The following DGAT1 variants were observed in gnomAD, a reference collection of about 807,000 sequenced individuals.
The protein encoded by DGAT1 is ACAT related gene product 1.
DGAT1 carries 60 observed loss-of-function variants against 72.6 expected under a neutral mutation model. The observed-to-expected ratio is 0.83, with a 90% CI of 0.67 to 1.02. The LOEUF is 1.02. Among genes scored for constraint, DGAT1 ranks in the 50% least tolerant of loss-of-function variants. The pLI is 0.00. For missense variants in DGAT1, 592 were observed against 670.0 expected (o/e 0.88, Z 1.29); for synonymous variants, 290 against 267.5 (o/e 1.08, Z -0.82).
At chr8:144,322,290 C>T (rs1265257278) in intron 1 of DGAT1, among the ~76,000 whole-genome samples, 6 of 152,232 alleles carry the variant, frequency 3.9e-5, no homozygotes, top group Non-Finnish European at 8.8e-5. Flanking sequence ...GGCTCATATA[C>T]ACTAGCTGCA....
At chr8:144,319,635 T>G (rs1327105811) in intron 2 of DGAT1, among the ~76,000 whole-genome samples, 1 of 152,190 alleles carries the variant, frequency 6.6e-6, no homozygotes, top group Non-Finnish European at 1.5e-5. Context: ...CCAGGGCTTG[T>G]GCCCCGCCTG....
In DGAT1 at chr8:144,315,262, CAGG is replaced by C. The variant is rs1817161474; in HGVS notation, c.*1289_*1291del. 1 of 985,476 alleles carries C rather than the reference CAGG, an allele frequency of 1.0e-6. No individual in the cohort carries two copies. Among genetic ancestry groups the C allele is most frequent in the African/African-American group, 1.7e-5 (1 of 57,356 alleles). The allele number at this position is 985,476 out of a possible 1,614,324, so 61.0% of individuals were successfully genotyped here. On this transcript the variant is annotated 3_prime_UTR_variant, in exon 17 of 17. Coordinates refer to ENST00000528718, the MANE Select transcript of DGAT1 (RefSeq NM_012079.6). ...GTCGGCCCCACACCCATCCCCCCAC[CAGG>C]AGCTCACCCACTACTGCCATCCTCA...
At chr8:144,318,225 C>T (rs781956660) in intron 7 of DGAT1, 36 bp downstream of exon 7, 1 of 1,610,054 alleles carries the variant, frequency 6.2e-7, no homozygotes, top group African/African-American at 1.3e-5. Flanking sequence ...TGCCCAGCCC[C>T]CCAGCAGGCA....
rs1817154373 is a variant in DGAT1 at position 144,315,131 on chromosome 8, G to A, written c.*1423C>T. The A allele has an allele frequency of 2.0e-6, 2 of 985,498 alleles. No homozygotes were observed. The highest frequency in any genetic ancestry group is 2.4e-6 in the Non-Finnish European group (2 of 829,960). 61.0% of individuals were successfully genotyped at this position (985,498 alleles called of 1,614,324 possible). A position where few individuals can be genotyped will look rare whatever the true frequency, so the allele number is the denominator to read the frequency against. Reference sequence around the variant, plus strand: ...GAGGAAGGGAAGGGGGCCTGCGCTGGGCAGTGGAGCAGGCTTTGCTGCTTT... The same window carrying A: ...GAGGAAGGGAAGGGGGCCTGCGCTGAGCAGTGGAGCAGGCTTTGCTGCTTT... On this transcript the variant is annotated 3_prime_UTR_variant, in exon 17 of 17. Transcript: ENST00000528718.
In DGAT1 at chr8:144,316,928, GGA is replaced by G; in HGVS notation, c.1249-15_1249-14del. 1.2e-6 allele frequency: 2 copies of G among 1,612,648 alleles called. No individual in the cohort carries two copies. Among genetic ancestry groups the G allele is most frequent in the Admixed American group, 1.7e-5 (1 of 59,938 alleles). ...CGCTCACCAGGTACTGAGATGGGAGGGAGAGAGGATGCCAGGGAGTGGGGTGT... is the reference window on the plus strand; with the variant it reads ...CGCTCACCAGGTACTGAGATGGGAGGGAGAGGATGCCAGGGAGTGGGGTGT... On this transcript the variant is annotated splice_polypyrimidine_tract_variant and intron_variant, in intron 15 of 16. Coordinates refer to ENST00000528718, the MANE Select transcript of DGAT1 (RefSeq NM_012079.6).
chr8:144,317,651 A>G lies in DGAT1; in HGVS notation c.936+20T>C, dbSNP rs782008207. ...TCACTCCCCAGCCACCCCAGCTGCA[A>G]GAGCACCTGAGCCACTCACCTTGAA... On this transcript the variant is annotated intron_variant, in intron 11 of 16. Transcript: ENST00000528718. 5.9e-5 allele frequency: 96 copies of G among 1,613,750 alleles called. No individual in the cohort carries two copies. The highest frequency in any genetic ancestry group is 7.1e-5 in the Non-Finnish European group (84 of 1,180,008).
rs565169884 is a variant in DGAT1 at position 144,321,671 on chromosome 8, G to A, written c.201-263C>T. On this transcript the variant is annotated intron_variant, in intron 1 of 16. Coordinates refer to ENST00000528718, the MANE Select transcript of DGAT1 (RefSeq NM_012079.6). ...GAAGCAAGCCCAGCTGGCCCTGCCC[G>A]GACTGGACCTACATGGAGCTTGGAC... 2.5e-4 allele frequency among the ~76,000 whole-genome samples: 38 copies of A among 152,320 alleles called. 1 individual carries two copies. Among genetic ancestry groups the A allele is most frequent in the African/African-American group, 6.5e-4 (27 of 41,586 alleles).
chr8:144,324,841 G>A (rs977347649), intron 1 of DGAT1, among the ~76,000 whole-genome samples: 2 of 152,272 alleles, frequency 1.3e-5, no homozygotes, highest in South Asian at 4.1e-4. Context: ...GCCAAGGCAG[G>A]TGGATCACCT....
chr8:144,314,999 G>T lies in DGAT1; in HGVS notation c.*1555C>A, dbSNP rs564585153. The stretch of plus-strand genomic sequence containing the variant: ...TCCCAAGGTGTTCGCACTCGGACAG[G>T]TGATGCGGGGCGGGCACACTGTCTT... On this transcript the variant is annotated 3_prime_UTR_variant, in exon 17 of 17. Transcript: ENST00000528718. 4 of 985,822 alleles carry T rather than the reference G, an allele frequency of 4.1e-6. No individual in the cohort carries two copies. The highest frequency in any genetic ancestry group is 6.1e-5 in the Admixed American group (1 of 16,326). The allele number at this position is 985,822 out of a possible 1,614,324, so 61.1% of individuals were successfully genotyped here. A position where few individuals can be genotyped will look rare whatever the true frequency, so the allele number is the denominator to read the frequency against.
intron 1 of DGAT1, among the ~76,000 whole-genome samples, chr8:144,323,633 C>CACA (rs1318091208): frequency 6.6e-6 from 1 of 152,212 alleles, no homozygotes; most frequent in Non-Finnish European, 1.5e-5. Context: ...TCCAGCTGTC[C>CACA]CTACACCCAC....
In DGAT1 at chr8:144,321,374, C is replaced by A. The variant is rs1817451946; in HGVS notation, c.235G>T (p.Asp79Tyr). Reference sequence around the variant, plus strand: ...CCACGGTAGTTGCTGAAGCCACTGTCAGAGCTGAATAAAGAATCCTGCAGG... The same window carrying A: ...CCACGGTAGTTGCTGAAGCCACTGTAAGAGCTGAATAAAGAATCCTGCAGG... The part of the protein sequence containing the change: ...HRLQDSLFSS[D>Y]SGFSNYRGIL... Residue 79 changes from aspartate (D) to tyrosine (Y), a missense_variant, in exon 2 of 17, where the codon GAC (aspartate) becomes TAC (tyrosine). Asp to Tyr is a radical substitution (Grantham distance 160, BLOSUM62 -3). Transcript: ENST00000528718. 1 of 1,613,884 alleles carries A rather than the reference C, an allele frequency of 6.2e-7. No homozygotes were observed. The highest frequency in any genetic ancestry group is 1.7e-5 in the Admixed American group (1 of 60,002).
chr8:144,323,629 T>G (rs1343605547), intron 1 of DGAT1, among the ~76,000 whole-genome samples: 1 of 152,170 alleles, frequency 6.6e-6, no homozygotes, highest in Non-Finnish European at 1.5e-5. Flanking sequence ...ACCTTCCAGC[T>G]GTCCCTACAC....
Position 144,316,371 on chromosome 8 carries a change from G to A in DGAT1, c.*183C>T. ...CCCAGCTGGCATCAGACTGTGTCTG[G>A]CCTGCTGTCGCCATCCCTGAGGGGT... On this transcript the variant is annotated 3_prime_UTR_variant, in exon 17 of 17. Transcript: ENST00000528718. The A allele has an allele frequency of 1.3e-6, 1 of 748,470 alleles. No homozygotes were observed. Among genetic ancestry groups the A allele is most frequent in the Non-Finnish European group, 2.1e-6 (1 of 477,554 alleles). The allele number at this position is 748,470 out of a possible 1,614,324, so 46.4% of individuals were successfully genotyped here.
rs782575471 is a variant in DGAT1, at chr8:144,317,411, TAGA to T, written c.1013_1015del (p.Phe338del). The T allele has an allele frequency of 1.4e-5, 23 of 1,613,626 alleles. No individual in the cohort carries two copies. The highest frequency in any genetic ancestry group is 4.5e-5 in the East Asian group (2 of 44,884). ...ATTCAGGCAGGAGTGGAAGAGCCAGTAGAAGAAGATGAGCCAGATGAGGTGATT... is the reference window on the plus strand; with the variant it reads ...ATTCAGGCAGGAGTGGAAGAGCCAGTAGAAGATGAGCCAGATGAGGTGATT... On this transcript the variant is annotated inframe_deletion, in exon 13 of 17. Coordinates refer to ENST00000528718, the MANE Select transcript of DGAT1 (RefSeq NM_012079.6).
At position 144,314,946 on chromosome 8, in the gene DGAT1, G is replaced by C. The variant is rs575587376; in HGVS notation, c.*1608C>G. On this transcript the variant is annotated 3_prime_UTR_variant, in exon 17 of 17. Transcript: ENST00000528718. ...CTCACCTTGGCCCTGGGGGTCTCTG[G>C]TTGTCACAGGACCACCAGGAACCCC... is the stretch of plus-strand genomic sequence containing the variant. 4.9e-4 allele frequency: 486 copies of C among 986,000 alleles called. No individual in the cohort carries two copies. The Middle Eastern group carries it at 0.013, about 26-fold the overall frequency. The allele number at this position is 986,000 out of a possible 1,614,324, so 61.1% of individuals were successfully genotyped here.
At position 144,316,931 on chromosome 8, in the gene DGAT1, G is replaced by A; in HGVS notation, c.1249-16C>T. The stretch of plus-strand genomic sequence containing the variant: ...TCACCAGGTACTGAGATGGGAGGGA[G>A]AGAGGATGCCAGGGAGTGGGGTGTC... On this transcript the variant is annotated splice_polypyrimidine_tract_variant and intron_variant, in intron 15 of 16. Coordinates refer to ENST00000528718, the MANE Select transcript of DGAT1 (RefSeq NM_012079.6). 1 of 1,612,584 alleles carries A rather than the reference G, an allele frequency of 6.2e-7. No homozygotes were observed. The highest frequency in any genetic ancestry group is 1.1e-5 in the South Asian group (1 of 91,024).
Position 144,316,878 on chromosome 8 carries a change from C to T in DGAT1, c.1286G>A (p.Trp429Ter). Residue 429 changes from tryptophan (W) to a stop codon, truncating the protein, a stop_gained, in exon 16 of 17, where the codon TGG (tryptophan) becomes TAG (stop). Transcript: ENST00000528718. LOFTEE classifies it high-confidence loss of function. ...VSVPLRMFRL[W>*]AFTGMMAQIP... ...CTGAGCCATCATGCCCGTGAACGCC[C>T]AGAGGCGGAACATTCGCAGAGGGAC... The T allele has an allele frequency of 6.2e-7, 1 of 1,611,650 alleles. No homozygotes were observed. Among genetic ancestry groups the T allele is most frequent in the Non-Finnish European group, 8.5e-7 (1 of 1,179,428 alleles).
intron 2 of DGAT1, among the ~76,000 whole-genome samples, chr8:144,320,664 G>A (rs967868842): frequency 5.9e-5 from 9 of 152,182 alleles, no homozygotes; most frequent in Admixed American, 5.2e-4. Flanking sequence ...GGGTGGGGCT[G>A]GCAGCCCCAC....
intron 1 of DGAT1, among the ~76,000 whole-genome samples, chr8:144,324,790 G>T (rs559036509): frequency 6.6e-5 from 10 of 152,218 alleles, no homozygotes; most frequent in African/African-American, 2.2e-4. Flanking sequence ...ATTCCCGGCC[G>T]GGCGCGGTGG....
Sources: allele counts gnomAD v4.1 joint callset (sites outside exome capture counted in the v4.1 genomes callset), GRCh38; gene constraint gnomAD v4.1.1; transcripts MANE v1.5; gene names NCBI Gene and HGNC (gene_info 2026-07-23, HGNC 2026-07-21).